The following COL4A1 variants were observed in gnomAD, a reference collection of about 807,000 sequenced individuals.
COL4A1 encodes collagen type IV alpha 1 chain, also known as collagen alpha-1(IV) chain.
COL4A1 carries 40 observed loss-of-function variants against 216.6 expected under a neutral mutation model. The observed-to-expected ratio is 0.18, with a 90% CI of 0.14 to 0.24. The LOEUF is 0.24. Among genes scored for constraint, COL4A1 ranks in the 10% least tolerant of loss-of-function variants. The probability of loss-of-function intolerance (pLI) is 1.00; values close to 1 mark genes in which losing one functional copy is unlikely to be tolerated. For synonymous variants in COL4A1, 839 were observed against 810.7 expected (o/e 1.03, Z -0.59); for missense variants, 1,628 against 2,196.8 (o/e 0.74, Z 5.18).
chr13:110,210,257 T>A, intron 8 of COL4A1, 45 bp from the exon 9 acceptor site: 26 of 1,577,716 alleles, frequency 1.6e-5, no homozygotes, highest in Non-Finnish European at 2.3e-5. Context: ...ATATCGACAT[T>A]CATGTAAAGA....
Position 110,201,706 on chromosome 13 carries a change from C to T in COL4A1, c.1000-184G>A, listed in dbSNP as rs558327545. 5.7e-5 allele frequency: 43 copies of T among 748,716 alleles called. No individual in the cohort carries two copies. The East Asian group carries it at 9.0e-4, about 16-fold the overall frequency. The allele number at this position is 748,716 out of a possible 1,614,324, so 46.4% of individuals were successfully genotyped here. A position where few individuals can be genotyped will look rare whatever the true frequency, so the allele number is the denominator to read the frequency against. Reference sequence around the variant, plus strand: ...AGCCTCTAAAACATATGGGACAGGCCGGTGCGGTGGCTCACGCCTGTAATC... The same window carrying T: ...AGCCTCTAAAACATATGGGACAGGCTGGTGCGGTGGCTCACGCCTGTAATC... On this transcript the variant is annotated intron_variant, in intron 18 of 51. Coordinates refer to ENST00000375820, the MANE Select transcript of COL4A1 (RefSeq NM_001845.6).
intron 43 of COL4A1, among the ~76,000 whole-genome samples, chr13:110,168,260 C>T (rs1877434984): frequency 6.6e-6 from 1 of 152,190 alleles, no homozygotes; most frequent in African/African-American, 2.4e-5. Context: ...GGTGATCTGC[C>T]CACCTCGGCC....
chr13:110,159,932 G>C (rs931204454), intron 49 of COL4A1, among the ~76,000 whole-genome samples: 3 of 152,132 alleles, frequency 2.0e-5, no homozygotes, highest in Non-Finnish European at 4.4e-5. Flanking sequence ...GTAGAATGGG[G>C]GGTCACCAGA....
intron 40 of COL4A1, among the ~76,000 whole-genome samples, chr13:110,173,054 G>A (rs566712773): frequency 3.9e-5 from 6 of 152,254 alleles, no homozygotes; most frequent in South Asian, 2.1e-4. Context: ...TCCTGCTGCC[G>A]TCTGGAGATA....
intron 4 of COL4A1, 87 bp downstream of exon 4, chr13:110,213,695 G>A: frequency 7.4e-7 from 1 of 1,356,344 alleles, no homozygotes; most frequent in Non-Finnish European, 1.1e-6. Context: ...ACGAGGGCAA[G>A]GAGAAAGGAG....
intron 24 of COL4A1, chr13:110,191,751 T>A: frequency 1.6e-6 from 1 of 621,798 alleles, no homozygotes; most frequent in South Asian, 2.0e-5. Context: ...CCTTGATCTT[T>A]TCATAGAAAC....
At position 110,172,706 on chromosome 13, in the gene COL4A1, T is replaced by C. The variant is rs1205115850; in HGVS notation, c.3556+14A>G. 1.2e-6 allele frequency: 2 copies of C among 1,612,898 alleles called. No individual in the cohort carries two copies. Among genetic ancestry groups the C allele is most frequent in the East Asian group, 4.5e-5 (2 of 44,860 alleles). On this transcript the variant is annotated intron_variant, in intron 41 of 51. Coordinates refer to ENST00000375820, the MANE Select transcript of COL4A1 (RefSeq NM_001845.6). ...GGTTGGTTGAAAAGGAAGAGCACAGTGAGCAAAGATTACCTTTGTCTCCTT... is the reference window on the plus strand; with the variant it reads ...GGTTGGTTGAAAAGGAAGAGCACAGCGAGCAAAGATTACCTTTGTCTCCTT...
chr13:110,178,788 C>T lies in COL4A1; in HGVS notation c.2458+135G>A, dbSNP rs542261811. ...AAACAATCAAACCTATTTTCACAAA[C>T]TCGAGTTTTATTTTTTTCTCTTTTT... On this transcript the variant is annotated intron_variant, in intron 31 of 51. Transcript: ENST00000375820. 20 of 709,318 alleles carry T rather than the reference C, an allele frequency of 2.8e-5. No individual in the cohort carries two copies. The African/African-American group carries it at 3.2e-4, about 11-fold the overall frequency. The allele number at this position is 709,318 out of a possible 1,614,324, so 43.9% of individuals were successfully genotyped here.
Position 110,179,100 on chromosome 13 carries a change from C to T in COL4A1, c.2345-64G>A. ...GTGGCACGTCTCCCGGCCTAGGAGA[C>T]CCATGCACACGAATGGCCCCAGCAA... On this transcript the variant is annotated intron_variant, in intron 30 of 51. Transcript: ENST00000375820. 1.9e-6 allele frequency: 3 copies of T among 1,552,528 alleles called. No individual in the cohort carries two copies. The South Asian group carries it at 3.4e-5, about 17-fold the overall frequency.
chr13:110,191,731 G>C (rs2139178550), intron 24 of COL4A1: 1 of 643,248 alleles, frequency 1.6e-6, no homozygotes, highest in Non-Finnish European at 2.8e-6. Flanking sequence ...GAGGCAAACA[G>C]ATCTGCTTTC....
chr13:110,214,247 C>T (rs566012597), intron 2 of COL4A1, among the ~76,000 whole-genome samples: 8 of 152,208 alleles, frequency 5.3e-5, no homozygotes, highest in African/African-American at 9.6e-5. Context: ...TGCGCCACCA[C>T]GCTGGCTAAT....
rs1594574865 is a variant in COL4A1 at position 110,201,003 on chromosome 13, A to C, written c.1085-114T>G. 4 of 1,165,482 alleles carry C rather than the reference A, an allele frequency of 3.4e-6. No homozygotes were observed. In the South Asian group the frequency reaches 5.1e-5, roughly 15 times the overall value. The allele number at this position is 1,165,482 out of a possible 1,614,324, so 72.2% of individuals were successfully genotyped here. A position where few individuals can be genotyped will look rare whatever the true frequency, so the allele number is the denominator to read the frequency against. ...TGCATTGGTAAGTGTCCATGGCCAA[A>C]GGGAACGTAGAAAACAGAGCGGGAG... is the stretch of plus-strand genomic sequence containing the variant. On this transcript the variant is annotated intron_variant, in intron 19 of 51. Coordinates refer to ENST00000375820, the MANE Select transcript of COL4A1 (RefSeq NM_001845.6).
rs756403856 is a variant in COL4A1, at chr13:110,150,406, C to T, written c.4967G>A (p.Arg1656His). The change falls in exon 52 of 52, where the codon CGC becomes CAC. Residue 1656 changes from arginine (R) to histidine (H), a missense_variant. By Grantham distance (29) the Arg-to-His change is conservative (BLOSUM62 0). Transcript: ENST00000375820. The stretch of plus-strand genomic sequence containing the variant: ...GACTTGGCAGCGGCTGACGTGCGTG[C>T]GCAGCTCCCCTGCCTTCAAGGTGGA... ...TPSTLKAGEL[R>H]THVSRCQVCM... 28 of 1,613,906 alleles carry T rather than the reference C, an allele frequency of 1.7e-5. No homozygotes were observed. The highest frequency in any genetic ancestry group is 2.7e-5 in the African/African-American group (2 of 74,936).
At position 110,181,217 on chromosome 13, in the gene COL4A1, C is replaced by T. The variant is rs16975491; in HGVS notation, c.2193+75G>A. On this transcript the variant is annotated intron_variant, in intron 29 of 51. Coordinates refer to ENST00000375820, the MANE Select transcript of COL4A1 (RefSeq NM_001845.6). ...GGCCCAACATGTCCTGGGACGTTCACAACCTGCATTTTTTCCATCCAACTA... is the reference window on the plus strand; with the variant it reads ...GGCCCAACATGTCCTGGGACGTTCATAACCTGCATTTTTTCCATCCAACTA... 0.35 allele frequency: 514,508 copies of T among 1,453,128 alleles called. 92,463 individuals carry two copies. The highest frequency in any genetic ancestry group is 0.38 in the Admixed American group (22,726 of 59,308). 90.0% of individuals were successfully genotyped at this position (1,453,128 alleles called of 1,614,324 possible). A position where few individuals can be genotyped will look rare whatever the true frequency, so the allele number is the denominator to read the frequency against.
chr13:110,291,398 T>C (rs1207652223), intron 1 of COL4A1, among the ~76,000 whole-genome samples: 1 of 152,164 alleles, frequency 6.6e-6, no homozygotes, highest in Non-Finnish European at 1.5e-5. Flanking sequence ...TCCACAGAAC[T>C]CATCTTCCAT....
chr13:110,237,345 G>T (rs540123955), intron 2 of COL4A1, among the ~76,000 whole-genome samples: 3 of 151,960 alleles, frequency 2.0e-5, no homozygotes, highest in Non-Finnish European at 4.4e-5. Flanking sequence ...AGAAGATGGG[G>T]TTAGTTCAGC....
intron 8 of COL4A1, among the ~76,000 whole-genome samples, chr13:110,210,873 C>A (rs1280792260): frequency 6.6e-6 from 1 of 152,114 alleles, no homozygotes. Context: ...AAGACTACAA[C>A]TCCACCCCTT....
chr13:110,222,582 G>T (rs1406208565), intron 2 of COL4A1, among the ~76,000 whole-genome samples: 2 of 138,454 alleles, frequency 1.4e-5, no homozygotes, highest in East Asian at 3.9e-4. Context: ...GACCATCCTG[G>T]CTAACATGGT....
intron 1 of COL4A1, among the ~76,000 whole-genome samples, chr13:110,247,844 AGAGG>A (rs575291787): frequency 2.8e-4 from 28 of 100,348 alleles, no homozygotes; most frequent in African/African-American, 6.3e-4. Flanking sequence ...TGGCAGAGAG[AGAGG>A]GAGGGAGGGA....
Sources: gnomAD v4.1 joint callset for allele counts (sites outside exome capture counted in the v4.1 genomes callset) on GRCh38, gnomAD v4.1.1 for gene constraint, MANE v1.5 for transcripts, NCBI Gene and HGNC (gene_info 2026-07-23, HGNC 2026-07-21) for gene names.